The following NDRG1 variants were observed in gnomAD, a reference collection of about 807,000 sequenced individuals.
NDRG1 encodes N-myc downstream regulated 1.
NDRG1 carries 32 observed loss-of-function variants against 56.9 expected under a neutral mutation model. The observed-to-expected ratio is 0.56, with a 90% confidence interval of 0.42 to 0.76. NDRG1 has a LOEUF of 0.76. NDRG1 is among the 30% of genes least tolerant of loss of function. The pLI is 0.00. For synonymous variants in NDRG1, 211 were observed against 204.1 expected (o/e 1.03, Z -0.29); for missense variants, 507 against 545.7 (o/e 0.93, Z 0.71).
chr8:133,259,092 C>G, intron 6 of NDRG1, 76 bp downstream of exon 6: 1 of 1,516,446 alleles, frequency 6.6e-7, no homozygotes, highest in Non-Finnish European at 9.2e-7. Flanking sequence ...CAGTCCAGAT[C>G]AAAGCCAAGG....
chr8:133,292,718 G>A (rs1858495742), intron 1 of NDRG1, among the ~76,000 whole-genome samples: 1 of 152,160 alleles, frequency 6.6e-6, no homozygotes, highest in Non-Finnish European at 1.5e-5. Context: ...AGAACAAGGT[G>A]GAGACCTGGG....
intron 8 of NDRG1, chr8:133,255,003 C>T: frequency 3.0e-6 from 1 of 330,296 alleles, no homozygotes; most frequent in Non-Finnish European, 5.9e-6. Context: ...CCAACTATCC[C>T]TCCTCTCTCA....
intron 9 of NDRG1, among the ~76,000 whole-genome samples, chr8:133,254,185 G>A (rs1450850447): frequency 6.6e-6 from 1 of 152,198 alleles, no homozygotes; most frequent in Admixed American, 6.5e-5. Flanking sequence ...GCCTGAGGAG[G>A]AGGGAGAGGA....
intron 3 of NDRG1, among the ~76,000 whole-genome samples, chr8:133,273,747 C>G (rs544265088): frequency 6.6e-6 from 1 of 152,254 alleles, no homozygotes; most frequent in African/African-American, 2.4e-5. Flanking sequence ...CTCACCTTAG[C>G]AGGGAAGCCC....
intron 8 of NDRG1, 31 bp downstream of exon 8, chr8:133,256,746 A>T: frequency 6.2e-7 from 1 of 1,609,160 alleles, no homozygotes; most frequent in Non-Finnish European, 8.5e-7. Flanking sequence ...TCTTGCAGGG[A>T]TCCCGCCGGC....
chr8:133,296,685 CCAGACACAGACA>C, intron 1 of NDRG1: 2 of 374,404 alleles, frequency 5.3e-6, no homozygotes, highest in South Asian at 1.9e-5. Context: ...CTCTCCGTTC[CCAGACACAGACA>C]CACACACACA....
In NDRG1 at chr8:133,249,009, A is replaced by G. The variant is rs114771875; in HGVS notation, c.699-238T>C. Among the ~76,000 whole-genome samples the G allele has an allele frequency of 7.2e-3, 1,100 of 152,154 alleles. 15 individuals are homozygous for G. The highest frequency in any genetic ancestry group is 0.025 in the African/African-American group (1,048 of 41,484). On this transcript the variant is annotated intron_variant, in intron 10 of 15. Coordinates refer to ENST00000323851, the MANE Select transcript of NDRG1 (RefSeq NM_006096.4). ...AGCAGAGCCCCCTCATTTTGTCACA[A>G]ATATTTGTGGGGCTTTTTTTTCCAG...
At chr8:133,254,316 T>C (rs977767921) in intron 9 of NDRG1, among the ~76,000 whole-genome samples, 2 of 152,240 alleles carry the variant, frequency 1.3e-5, no homozygotes, top group African/African-American at 4.8e-5. Context: ...GTGCAGTTAA[T>C]TGTACTTCAA....
chr8:133,271,251 G>A (rs1857172207), intron 3 of NDRG1, among the ~76,000 whole-genome samples: 1 of 152,166 alleles, frequency 6.6e-6, no homozygotes, highest in Admixed American at 6.5e-5. Context: ...TAGCAAGTGG[G>A]GTCCAAGCAT....
intron 1 of NDRG1, chr8:133,296,702 C>G (rs1303500904): frequency 5.4e-5 from 8 of 148,210 alleles, no homozygotes; most frequent in Non-Finnish European, 8.2e-5. Context: ...CAGACACACA[C>G]ACACACACAC....
chr8:133,285,739 G>A (rs1455027543), intron 1 of NDRG1, among the ~76,000 whole-genome samples: 1 of 152,178 alleles, frequency 6.6e-6, no homozygotes, highest in Non-Finnish European at 1.5e-5. Context: ...CCACAAGAAT[G>A]GCTTTATACA....
At chr8:133,250,705 A>C (rs1436887092) in intron 9 of NDRG1, among the ~76,000 whole-genome samples, 162 bp from the exon 10 acceptor site, 1 of 151,976 alleles carries the variant, frequency 6.6e-6, no homozygotes, top group African/African-American at 2.4e-5. Flanking sequence ...GGAAAGCAAC[A>C]CGCCCAACCA....
chr8:133,248,591 G>C (rs932489766), intron 11 of NDRG1, 124 bp downstream of exon 11: 36 of 1,164,972 alleles, frequency 3.1e-5, no homozygotes, highest in Non-Finnish European at 4.1e-5. Context: ...TCTCTGGGTG[G>C]AATATATCCA....
At chr8:133,262,323 T>C (rs1856702154) in intron 4 of NDRG1, 156 bp from the exon 5 acceptor site, 4 of 940,064 alleles carry the variant, frequency 4.3e-6, no homozygotes, top group Non-Finnish European at 6.4e-6. Flanking sequence ...TGTTTTTTGG[T>C]TTTGTCCCCA....
In NDRG1 at chr8:133,239,101, G is replaced by C; in HGVS notation, c.962C>G (p.Thr321Ser). 1 of 1,561,740 alleles carries C rather than the reference G, an allele frequency of 6.4e-7. No homozygotes were observed. Among genetic ancestry groups the C allele is most frequent in the Non-Finnish European group, 8.7e-7 (1 of 1,152,726 alleles). The change falls in exon 16 of 16, where the codon ACC (threonine) becomes AGC (serine). Residue 321 changes from threonine to serine, a missense_variant. Thr to Ser is a moderately conservative substitution (Grantham distance 58, BLOSUM62 1). Transcript: ENST00000323851. ...GGCTGTGCGGGACCGCATCAGGCGG[G>C]TCATGCTAGCCGAGGGCACTAGGGG... ...GMGYMPSASM[T>S]RLMRSRTASG...
In NDRG1 at chr8:133,237,765, T is replaced by A. The variant is rs1187664711; in HGVS notation, c.*1113A>T. On this transcript the variant is annotated 3_prime_UTR_variant, in exon 16 of 16. Coordinates refer to ENST00000323851, the MANE Select transcript of NDRG1 (RefSeq NM_006096.4). ...GACCGGGTCAGACAGGTTCAGCTAC[T>A]GAGTTCACGTTCCAGCCCAGCTGTC... 1 of 183,368 alleles carries A rather than the reference T, an allele frequency of 5.5e-6. No homozygotes were observed. Among genetic ancestry groups the A allele is most frequent in the Admixed American group, 6.5e-5 (1 of 15,304 alleles). The allele number at this position is 183,368 out of a possible 1,614,324, so 11.4% of individuals were successfully genotyped here.
chr8:133,265,536 C>T lies in NDRG1; in HGVS notation c.100-884G>A, dbSNP rs544996117. ...GAATGATACCATGCCCATCCTCCCT[C>T]CTGCCCTTCCTTCTTGTTGAGCCAG... On this transcript the variant is annotated intron_variant, in intron 3 of 15. Transcript: ENST00000323851. Among the ~76,000 whole-genome samples, 18 of 152,304 alleles carry T rather than the reference C, an allele frequency of 1.2e-4. No homozygotes were observed. In the South Asian group the frequency reaches 3.5e-3, roughly 30 times the overall value.
chr8:133,284,900 A>G, intron 1 of NDRG1: 2 of 454,160 alleles, frequency 4.4e-6, no homozygotes, highest in South Asian at 3.1e-5. Context: ...CTGCCTGCTA[A>G]AAGGGAAGAG....
intron 3 of NDRG1, among the ~76,000 whole-genome samples, chr8:133,276,441 GT>G (rs1166794649): frequency 6.6e-6 from 1 of 152,198 alleles, no homozygotes; most frequent in Non-Finnish European, 1.5e-5. Flanking sequence ...GTTTGGCTGT[GT>G]CCCCACCCAA....
Sources: allele counts gnomAD v4.1 joint callset (sites outside exome capture counted in the v4.1 genomes callset), GRCh38; gene constraint gnomAD v4.1.1; transcripts MANE v1.5; gene names NCBI Gene and HGNC (gene_info 2026-07-23, HGNC 2026-07-21).